Variants in LRRC4C observed in about 807,000 individuals in gnomAD.
LRRC4C encodes the protein leucine-rich repeat-containing protein 4C.
A neutral mutation model predicts 33.6 loss-of-function variants in LRRC4C; 5 were observed. The observed-to-expected ratio is 0.15, with a 90% CI of 0.08 to 0.31. The LOEUF (loss-of-function observed/expected upper bound fraction) is 0.31, where lower values mean the gene tolerates loss of function less well. Among genes scored for constraint, LRRC4C ranks in the 10% least tolerant of loss-of-function variants. The pLI is 1.00. For missense variants in LRRC4C, 560 were observed against 796.7 expected (o/e 0.70, Z 3.58); for synonymous variants, 329 against 302.0 (o/e 1.09, Z -0.93).
At chr11:40,525,466 G>A (rs1377027826) in intron 3 of LRRC4C, among the ~76,000 whole-genome samples, 1 of 151,846 alleles carries the variant, frequency 6.6e-6, no homozygotes, top group African/African-American at 2.4e-5. Flanking sequence ...GAAATGGCAG[G>A]GGGTGGCTGG....
chr11:41,436,224 T>C (rs998931051), intron 1 of LRRC4C, among the ~76,000 whole-genome samples: 4 of 152,280 alleles, frequency 2.6e-5, no homozygotes, highest in African/African-American at 4.8e-5. Flanking sequence ...TTCCCAAATA[T>C]AGAAGACCCA....
At chr11:41,145,096 A>T (rs1161086927) in intron 1 of LRRC4C, among the ~76,000 whole-genome samples, 1 of 152,172 alleles carries the variant, frequency 6.6e-6, no homozygotes, top group Non-Finnish European at 1.5e-5. Context: ...ACATTGAGCA[A>T]AGCATATAAT....
At chr11:40,180,535 TG>T in intron 5 of LRRC4C, among the ~76,000 whole-genome samples, 1 of 151,568 alleles carries the variant, frequency 6.6e-6, no homozygotes, top group South Asian at 2.1e-4. Context: ...TCAATAGCAC[TG>T]AGGGACTACA....
chr11:41,220,313 T>G (rs1025732771), intron 1 of LRRC4C, among the ~76,000 whole-genome samples: 1 of 152,134 alleles, frequency 6.6e-6, no homozygotes, highest in African/African-American at 2.4e-5. Context: ...AAGGAAGTTT[T>G]TCAAGGACAT....
At chr11:40,636,204 C>G (rs920008941) in intron 3 of LRRC4C, among the ~76,000 whole-genome samples, 3 of 152,066 alleles carry the variant, frequency 2.0e-5, no homozygotes, top group African/African-American at 7.2e-5. Flanking sequence ...GAGGTTTTCT[C>G]CCACTGGACA....
chr11:41,380,111 T>C (rs968936149), intron 1 of LRRC4C, among the ~76,000 whole-genome samples: 12 of 152,090 alleles, frequency 7.9e-5, no homozygotes, highest in African/African-American at 2.4e-4. Flanking sequence ...TAGTTCAAGA[T>C]TGAGAAAGCA....
intron 5 of LRRC4C, among the ~76,000 whole-genome samples, chr11:40,230,850 T>C (rs191123456): frequency 1.3e-5 from 2 of 152,300 alleles, no homozygotes; most frequent in East Asian, 3.9e-4. Context: ...AGTTTAACAA[T>C]AGACAAATAT....
chr11:41,162,641 G>C (rs938384523), intron 1 of LRRC4C, among the ~76,000 whole-genome samples: 1 of 152,130 alleles, frequency 6.6e-6, no homozygotes, highest in Non-Finnish European at 1.5e-5. Context: ...GCAATTATTT[G>C]TGTACCTAAA....
At chr11:41,408,262 A>G (rs1362497720) in intron 1 of LRRC4C, among the ~76,000 whole-genome samples, 1 of 152,166 alleles carries the variant, frequency 6.6e-6, no homozygotes, top group Non-Finnish European at 1.5e-5. Flanking sequence ...ATTGTACTTA[A>G]CAGACTTTCA....
chr11:41,300,339 T>G (rs1340725268), intron 1 of LRRC4C, among the ~76,000 whole-genome samples: 1 of 152,212 alleles, frequency 6.6e-6, no homozygotes, highest in Non-Finnish European at 1.5e-5. Context: ...TGACTTCACT[T>G]TAGGCTTCTA....
chr11:40,169,131 A>G (rs1859838971), intron 5 of LRRC4C, among the ~76,000 whole-genome samples: 1 of 152,218 alleles, frequency 6.6e-6, no homozygotes, highest in Non-Finnish European at 1.5e-5. Context: ...ACATACATGC[A>G]TGTATATGAG....
At chr11:41,091,174 T>C (rs1015245419) in intron 1 of LRRC4C, among the ~76,000 whole-genome samples, 1 of 151,924 alleles carries the variant, frequency 6.6e-6, no homozygotes, top group Non-Finnish European at 1.5e-5. Context: ...AATACATTAC[T>C]TTATAGTATT....
rs532597157 is a variant in LRRC4C, at chr11:40,942,990, A to T, written c.-495-9267T>A. On this transcript the variant is annotated intron_variant, in intron 1 of 6. Transcript: ENST00000528697. ...ATGTGAAATAAATAGTAGTATACTT[A>T]GCAGCTCAGGTGTTGAAAGCAGACA... Among the ~76,000 whole-genome samples the T allele has an allele frequency of 7.9e-5, 12 of 152,324 alleles. No individual in the cohort carries two copies. In the East Asian group the frequency reaches 2.3e-3, roughly 29 times the overall value.
chr11:40,507,699 G>A (rs546242028), intron 3 of LRRC4C, among the ~76,000 whole-genome samples: 1 of 151,248 alleles, frequency 6.6e-6, no homozygotes, highest in Non-Finnish European at 1.5e-5. Context: ...AACTATACTG[G>A]AGAAAAACAT....
At chr11:41,429,849 A>G (rs1955175364) in intron 1 of LRRC4C, among the ~76,000 whole-genome samples, 2 of 152,170 alleles carry the variant, frequency 1.3e-5, no homozygotes, top group Admixed American at 6.6e-5. Context: ...TAAAATTAAA[A>G]GAAAATCCCC....
intron 2 of LRRC4C, among the ~76,000 whole-genome samples, chr11:40,745,978 C>T (rs546188290): frequency 2.3e-3 from 357 of 152,266 alleles, no homozygotes; most frequent in Admixed American, 3.4e-3. Context: ...GAAACAAACT[C>T]ACTAGTAGGT....
At chr11:40,357,403 C>A (rs550213247) in intron 3 of LRRC4C, among the ~76,000 whole-genome samples, 44 of 152,148 alleles carry the variant, frequency 2.9e-4, no homozygotes, top group South Asian at 1.0e-3. Context: ...CTGTTTGGCA[C>A]CTTCATTGTA....
At chr11:41,442,267 T>C (rs1483686682) in intron 1 of LRRC4C, among the ~76,000 whole-genome samples, 1 of 151,866 alleles carries the variant, frequency 6.6e-6, no homozygotes, top group African/African-American at 2.4e-5. Flanking sequence ...TAATACAAAG[T>C]CAAACTGCTT....
At chr11:41,241,992 T>C (rs1170105053) in intron 1 of LRRC4C, among the ~76,000 whole-genome samples, 2 of 152,196 alleles carry the variant, frequency 1.3e-5, no homozygotes, top group Non-Finnish European at 1.5e-5. Flanking sequence ...TCATTTTCTT[T>C]GCTTAAGTTT....
Sources: allele counts gnomAD v4.1 joint callset (sites outside exome capture counted in the v4.1 genomes callset), GRCh38; gene constraint gnomAD v4.1.1; transcripts MANE v1.5; gene names NCBI Gene and HGNC (gene_info 2026-07-23, HGNC 2026-07-21).